The following SLC51A variants were observed in gnomAD, a reference collection of about 807,000 sequenced individuals.
SLC51A encodes organic solute transporter subunit alpha.
SLC51A carries 22 observed loss-of-function variants against 34.8 expected under a neutral mutation model. The ratio of observed to expected loss-of-function variants is 0.63; its 90% CI spans 0.45 to 0.90. The LOEUF (loss-of-function observed/expected upper bound fraction) is 0.90, where lower values mean the gene tolerates loss of function less well. SLC51A is among the 40% of genes least tolerant of loss of function. The probability of loss-of-function intolerance (pLI) is 0.00; values close to 1 mark genes in which losing one functional copy is unlikely to be tolerated. For synonymous variants in SLC51A, 181 were observed against 176.3 expected, an observed-to-expected ratio of 1.03 and a Z score of -0.21; for missense variants, 371 against 414.8, an observed-to-expected ratio of 0.89 and a Z score of 0.92.
intron 2 of SLC51A, among the ~76,000 whole-genome samples, chr3:196,225,230 TC>T (rs999701398): frequency 6.6e-6 from 1 of 152,064 alleles, no homozygotes; most frequent in African/African-American, 2.4e-5. Context: ...CACCTCAGCT[TC>T]CCAAAGTGCT....
chr3:196,229,795 G>A, intron 6 of SLC51A, 120 bp from the exon 7 acceptor site: 2 of 1,206,396 alleles, frequency 1.7e-6, no homozygotes, highest in Middle Eastern at 2.8e-4. Context: ...TGATGCTGCA[G>A]TGAGCTATCA....
At chr3:196,218,602 G>C (rs1267514356) in intron 2 of SLC51A, among the ~76,000 whole-genome samples, 1 of 152,166 alleles carries the variant, frequency 6.6e-6, no homozygotes, top group Admixed American at 6.5e-5. Context: ...GGGAGGGTGT[G>C]GGGATCCCCG....
At position 196,227,508 on chromosome 3, in the gene SLC51A, T is replaced by C. The variant is rs779633632; in HGVS notation, c.289-156T>C. On this transcript the variant is annotated intron_variant, in intron 3 of 8. Coordinates refer to ENST00000296327, the MANE Select transcript of SLC51A (RefSeq NM_152672.6). ...GAAACACCCTCCCACAGGTCCTTGG[T>C]TTGCTTGACTTAATTAGTGCTTTTT... The C allele has an allele frequency of 4.6e-5, 31 of 668,232 alleles. 1 individual carries two copies. The highest frequency in any genetic ancestry group is 4.8e-4 in the Middle Eastern group (2 of 4,136). 41.4% of individuals were successfully genotyped at this position (668,232 alleles called of 1,614,324 possible).
rs142502876 is a variant in SLC51A at position 196,223,209 on chromosome 3, G to A, written c.134-3756G>A. ...AGATGTGCTTCCTTCTCTGAGCCTC[G>A]TTTCCTGAAAAAGTCTATGAAATGC... On this transcript the variant is annotated intron_variant, in intron 2 of 8. Transcript: ENST00000296327. 6.9e-3 allele frequency among the ~76,000 whole-genome samples: 1,053 copies of A among 151,852 alleles called. 17 individuals are homozygous for A. The highest frequency in any genetic ancestry group is 0.023 in the African/African-American group (940 of 41,494).
rs1450964417 is a variant in SLC51A, at chr3:196,216,573, C to T, written c.-140C>T. The T allele has an allele frequency of 7.1e-6, 6 of 848,956 alleles. No homozygotes were observed. The highest frequency in any genetic ancestry group is 2.6e-5 in the East Asian group (1 of 37,796). 52.6% of individuals were successfully genotyped at this position (848,956 alleles called of 1,614,324 possible). The stretch of plus-strand genomic sequence containing the variant: ...GCCCGGGAAGCTCAAGGAGGGAGAG[C>T]GGCAGAGGGGAAGACTCTGCAATTC... On this transcript the variant is annotated 5_prime_UTR_variant, in exon 1 of 9. Transcript: ENST00000296327. The surrounding 1 kb of genome is among the most constrained non-coding windows in gnomAD (Gnocchi z 4.5).
intron 3 of SLC51A, 53 bp from the exon 4 acceptor site, chr3:196,227,611 G>A (rs757615640): frequency 6.5e-6 from 10 of 1,546,886 alleles, no homozygotes; most frequent in East Asian, 4.5e-5. Flanking sequence ...AAAGGCTTCC[G>A]GAGCCTCAGG....
intron 2 of SLC51A, among the ~76,000 whole-genome samples, chr3:196,221,979 A>G (rs372746044): frequency 6.6e-6 from 1 of 151,844 alleles, no homozygotes; most frequent in Non-Finnish European, 1.5e-5. Flanking sequence ...CGGCCTCCCA[A>G]TGTGCTGGGA....
chr3:196,226,973 C>T lies in SLC51A; in HGVS notation c.142C>T (p.Pro48Ser). 1 of 1,613,128 alleles carries T rather than the reference C, an allele frequency of 6.2e-7. No homozygotes were observed. Among genetic ancestry groups the T allele is most frequent in the Non-Finnish European group, 8.5e-7 (1 of 1,179,494 alleles). The change falls in exon 3 of 9, where the codon CCT becomes TCT. Residue 48 changes from proline (P) to serine (S), a missense_variant. Coordinates refer to ENST00000296327, the MANE Select transcript of SLC51A (RefSeq NM_152672.6). ...GCCTTCTCCTCCTCTAGCCCTGGGC[C>T]CTGTGGAACTTGCCCTCACTAGCAT... Reference protein sequence around the residue: ...TAAQLLRALGPVELALTSILT... With the variant: ...TAAQLLRALGSVELALTSILT...
intron 2 of SLC51A, among the ~76,000 whole-genome samples, chr3:196,226,229 G>A (rs1249978340): frequency 1.3e-5 from 2 of 152,176 alleles, no homozygotes; most frequent in Non-Finnish European, 2.9e-5. Flanking sequence ...GGCTGAGGTT[G>A]GAGGATGGTT....
chr3:196,228,779 C>A lies in SLC51A; in HGVS notation c.522-30C>A. The A allele has an allele frequency of 6.3e-7, 1 of 1,587,500 alleles. No homozygotes were observed. The highest frequency in any genetic ancestry group is 8.6e-7 in the Non-Finnish European group (1 of 1,156,102). ...CTTCCTGGGGCAGGGGGTTTGTGGGCCCATGTTCCTAACCCTCTTCCCCAC... is the reference window on the plus strand; with the variant it reads ...CTTCCTGGGGCAGGGGGTTTGTGGGACCATGTTCCTAACCCTCTTCCCCAC... On this transcript the variant is annotated intron_variant, in intron 5 of 8. Transcript: ENST00000296327. The surrounding 1 kb of genome is among the most constrained non-coding windows in gnomAD (Gnocchi z 4.9).
intron 7 of SLC51A, among the ~76,000 whole-genome samples, chr3:196,231,414 C>G (rs1287613600): frequency 6.6e-6 from 1 of 152,204 alleles, no homozygotes; most frequent in Non-Finnish European, 1.5e-5. Flanking sequence ...CCTTCTCTCT[C>G]CATCCTGTCT....
chr3:196,230,409 T>G (rs1220537814), intron 7 of SLC51A, among the ~76,000 whole-genome samples: 2 of 152,172 alleles, frequency 1.3e-5, no homozygotes, highest in African/African-American at 4.8e-5. Context: ...GTTTCCTAGT[T>G]GCCAGCAGTC....
chr3:196,233,294 C>A lies in SLC51A; in HGVS notation c.*95C>A. 1.5e-6 allele frequency: 2 copies of A among 1,351,966 alleles called. No homozygotes were observed. Among genetic ancestry groups the A allele is most frequent in the Non-Finnish European group, 2.0e-6 (2 of 982,488 alleles). 83.7% of individuals were successfully genotyped at this position (1,351,966 alleles called of 1,614,324 possible). A position where few individuals can be genotyped will look rare whatever the true frequency, so the allele number is the denominator to read the frequency against. On this transcript the variant is annotated 3_prime_UTR_variant, in exon 9 of 9. Coordinates refer to ENST00000296327, the MANE Select transcript of SLC51A (RefSeq NM_152672.6). ...CCTTGACCAAATGGGAAGCATTCCCCCTTGTCAACACAAGCTGGCAGATAC... is the reference window on the plus strand; with the variant it reads ...CCTTGACCAAATGGGAAGCATTCCCACTTGTCAACACAAGCTGGCAGATAC...
At chr3:196,223,747 A>AAAG (rs2108754503) in intron 2 of SLC51A, 4 of 291,574 alleles carry the variant, frequency 1.4e-5, no homozygotes, top group South Asian at 1.0e-4. Flanking sequence ...TAAAAAAAAA[A>AAAG]AAAGAAAGAA....
At position 196,228,017 on chromosome 3, in the gene SLC51A, G is replaced by T. The variant is rs1478697638; in HGVS notation, c.363-98G>T. ...CCCTCTTGGGTCACACACCCAGAAC[G>T]CCCAGCCCTAGCTCTGCTCCTCAGT... On this transcript the variant is annotated intron_variant, in intron 4 of 8. Transcript: ENST00000296327. This position sits in a 1 kb window ranked among gnomAD's most constrained non-coding sequence, Gnocchi z 4.9. The T allele has an allele frequency of 6.7e-7, 1 of 1,498,750 alleles. No homozygotes were observed. Among genetic ancestry groups the T allele is most frequent in the Non-Finnish European group, 9.0e-7 (1 of 1,105,844 alleles). The allele number at this position is 1,498,750 out of a possible 1,614,324, so 92.8% of individuals were successfully genotyped here.
intron 3 of SLC51A, 88 bp downstream of exon 3, chr3:196,227,207 C>CCGTCACTTT (rs57985677): frequency 0.14 from 200,689 of 1,441,398 alleles, 15,662 homozygotes; most frequent in South Asian, 0.17. Context: ...CACGTCACTT[C>CCGTCACTTT]GGCAAAGAGT....
chr3:196,229,775 G>C (rs568612729), intron 6 of SLC51A, 140 bp from the exon 7 acceptor site: 1 of 969,660 alleles, frequency 1.0e-6, no homozygotes, highest in African/African-American at 1.7e-5. Context: ...GATCACTGGA[G>C]CCAGGAGTGT....
At position 196,228,768 on chromosome 3, in the gene SLC51A, G is replaced by A. The variant is rs767888977; in HGVS notation, c.522-41G>A. On this transcript the variant is annotated intron_variant, in intron 5 of 8. Coordinates refer to ENST00000296327, the MANE Select transcript of SLC51A (RefSeq NM_152672.6). This position sits in a 1 kb window ranked among gnomAD's most constrained non-coding sequence, Gnocchi z 4.9. Reference sequence around the variant, plus strand: ...AGCCGGGGCGTCTTCCTGGGGCAGGGGGTTTGTGGGCCCATGTTCCTAACC... The same window carrying A: ...AGCCGGGGCGTCTTCCTGGGGCAGGAGGTTTGTGGGCCCATGTTCCTAACC... 1 of 1,565,240 alleles carries A rather than the reference G, an allele frequency of 6.4e-7. No homozygotes were observed. The highest frequency in any genetic ancestry group is 8.8e-7 in the Non-Finnish European group (1 of 1,136,030).
Position 196,216,749 on chromosome 3 carries a change from A to T in SLC51A, c.37A>T (p.Arg13Trp). 1 of 1,575,498 alleles carries T rather than the reference A, an allele frequency of 6.3e-7. No individual in the cohort carries two copies. Among genetic ancestry groups the T allele is most frequent in the East Asian group, 2.3e-5 (1 of 42,866 alleles). The change falls in exon 1 of 9, where the codon AGG (arginine) becomes TGG (tryptophan). Residue 13 changes from arginine (R) to tryptophan (W), a missense_variant and splice_region_variant. Transcript: ENST00000296327. This position sits in a 1 kb window ranked among gnomAD's most constrained non-coding sequence, Gnocchi z 4.5. ...CAGGACCCAGATAAAGCTTGACCCC[A>T]GGTAAGTGAGGGCGGCGGGCCCTGG... ...PGRTQIKLDP[R>W]YTADLLEVLK...
Sources: gnomAD v4.1 joint callset for allele counts (sites outside exome capture counted in the v4.1 genomes callset) on GRCh38, gnomAD v4.1.1 for gene constraint, Gnocchi (gnomAD v3.1) non-coding constraint, MANE v1.5 for transcripts, NCBI Gene and HGNC (gene_info 2026-07-23, HGNC 2026-07-21) for gene names.